Variants in CFAP95 observed in about 807,000 individuals in gnomAD.
CFAP95 encodes cilia- and flagella-associated protein 95.
chr9:69,897,676 G>A, the CFAP95 span, among the ~76,000 whole-genome samples: 12 of 152,080 alleles, frequency 7.9e-5, no homozygotes, highest in Non-Finnish European at 1.8e-4. Flanking sequence ...TCATTTTACC[G>A]AAAAAAGGTG....
chr9:69,852,071 A>G, the CFAP95 span, among the ~76,000 whole-genome samples: 1 of 152,184 alleles, frequency 6.6e-6, no homozygotes, highest in South Asian at 2.1e-4. Context: ...GTTAACCTAG[A>G]TGTGAAAACA....
At chr9:69,879,545 G>A in the CFAP95 span, among the ~76,000 whole-genome samples, 3 of 152,158 alleles carry the variant, frequency 2.0e-5, no homozygotes, top group Non-Finnish European at 2.9e-5. Flanking sequence ...ATATGCATAT[G>A]ACATACATCC....
the CFAP95 span, among the ~76,000 whole-genome samples, chr9:69,834,873 A>G: frequency 6.6e-6 from 1 of 152,254 alleles, no homozygotes; most frequent in Non-Finnish European, 1.5e-5. Context: ...CAATTTTTAC[A>G]AAGAACATAA....
chr9:69,842,760 A>T, the CFAP95 span, among the ~76,000 whole-genome samples: 1 of 152,144 alleles, frequency 6.6e-6, no homozygotes, highest in Non-Finnish European at 1.5e-5. Flanking sequence ...TCCTGTTAGG[A>T]TCTCATAAAA....
the CFAP95 span, among the ~76,000 whole-genome samples, chr9:69,886,307 TA>T: frequency 6.6e-6 from 1 of 152,118 alleles, no homozygotes; most frequent in Non-Finnish European, 1.5e-5. Context: ...TTTAGGTGCT[TA>T]AAGATGAAAG....
At chr9:69,861,497 A>G in the CFAP95 span, among the ~76,000 whole-genome samples, 1 of 152,138 alleles carries the variant, frequency 6.6e-6, no homozygotes. Context: ...CTCTTACCCT[A>G]CAGATGAATA....
chr9:69,875,367 T>C, the CFAP95 span, among the ~76,000 whole-genome samples: 3 of 152,226 alleles, frequency 2.0e-5, no homozygotes, highest in Non-Finnish European at 4.4e-5. Flanking sequence ...TTCACCTGTA[T>C]TTACTTTGCA....
At chr9:69,857,900 T>C in the CFAP95 span, 3 of 1,611,678 alleles carry the variant, frequency 1.9e-6, no homozygotes, top group Non-Finnish European at 2.5e-6. Context: ...AAATGTTATC[T>C]TGTTTTAGGG....
chr9:69,879,014 T>C, the CFAP95 span, among the ~76,000 whole-genome samples: 1 of 152,142 alleles, frequency 6.6e-6, no homozygotes, highest in Non-Finnish European at 1.5e-5. Flanking sequence ...CACTCACTAT[T>C]ATGACGATGG....
chr9:69,883,550 C>T, the CFAP95 span, among the ~76,000 whole-genome samples: 312 of 152,188 alleles, frequency 2.1e-3, no homozygotes, highest in Non-Finnish European at 3.5e-3. Flanking sequence ...TCCAAGATGG[C>T]GACGCTCCTG....
chr9:69,865,711 G>A, the CFAP95 span, among the ~76,000 whole-genome samples: 1 of 152,214 alleles, frequency 6.6e-6, no homozygotes, highest in Non-Finnish European at 1.5e-5. Flanking sequence ...AAGTTAAGCA[G>A]AGATATGGGA....
chr9:69,823,066 T>A, the CFAP95 span, among the ~76,000 whole-genome samples: 2 of 152,190 alleles, frequency 1.3e-5, no homozygotes, highest in Non-Finnish European at 2.9e-5. Flanking sequence ...GGGTAATTTA[T>A]AAAGGAAAGA....
At chr9:69,879,845 C>G in the CFAP95 span, among the ~76,000 whole-genome samples, 1 of 145,970 alleles carries the variant, frequency 6.9e-6, no homozygotes, top group Non-Finnish European at 1.5e-5. Context: ...GCCAAACCAT[C>G]CCTGAATCCC....
chr9:69,842,680 A>G, the CFAP95 span, among the ~76,000 whole-genome samples: 2 of 152,232 alleles, frequency 1.3e-5, no homozygotes, highest in Non-Finnish European at 2.9e-5. Context: ...GACTTCCCCA[A>G]GGCCACACAG....
the CFAP95 span, among the ~76,000 whole-genome samples, chr9:69,864,943 T>TA: frequency 6.6e-6 from 1 of 152,204 alleles, no homozygotes; most frequent in East Asian, 1.9e-4. Context: ...AAAGTTACCC[T>TA]ATGGTGATGA....
the CFAP95 span, among the ~76,000 whole-genome samples, chr9:69,838,153 A>G: frequency 6.6e-6 from 1 of 152,298 alleles, no homozygotes; most frequent in Admixed American, 6.5e-5. Context: ...TATAGTTTGA[A>G]GTCAGGTAGC....
chr9:69,882,851 A>G, the CFAP95 span, among the ~76,000 whole-genome samples: 4 of 152,224 alleles, frequency 2.6e-5, no homozygotes, highest in East Asian at 5.8e-4. Context: ...TTGGTTTGCT[A>G]GTATTTTATT....
chr9:69,884,998 T>C, the CFAP95 span: 1 of 151,918 alleles, frequency 6.6e-6, no homozygotes, highest in Non-Finnish European at 1.5e-5. Context: ...ACCCCTAGAG[T>C]TTCTAATTTA....
At chr9:69,840,029 G>T in the CFAP95 span, among the ~76,000 whole-genome samples, 15 of 150,278 alleles carry the variant, frequency 1.0e-4, no homozygotes, top group Non-Finnish European at 2.1e-4. Flanking sequence ...GTGAGCTGAC[G>T]TCATACCATT....
Sources: allele counts gnomAD v4.1 joint callset (sites outside exome capture counted in the v4.1 genomes callset), GRCh38; gene constraint gnomAD v4.1.1; transcripts MANE v1.5; gene names NCBI Gene and HGNC (gene_info 2026-07-23, HGNC 2026-07-21).